Variants in XPR1 observed in about 807,000 individuals in gnomAD.
XPR1 encodes the protein solute carrier family 53 member 1.
Under a neutral mutation model 87.5 loss-of-function variants are expected in XPR1, and 28 were observed. The ratio of observed to expected loss-of-function variants is 0.32; its 90% CI spans 0.24 to 0.44. The LOEUF (loss-of-function observed/expected upper bound fraction) is 0.44. Among genes scored for constraint, XPR1 ranks in the 20% least tolerant of loss-of-function variants. XPR1 has a pLI of 1.00. For missense variants in XPR1, 559 were observed against 862.3 expected (o/e 0.65, Z 4.41); for synonymous variants, 300 against 306.1 (o/e 0.98, Z 0.21).
At chr1:180,640,806 G>T (rs1246421055) in intron 1 of XPR1, among the ~76,000 whole-genome samples, 1 of 152,196 alleles carries the variant, frequency 6.6e-6, no homozygotes, top group Non-Finnish European at 1.5e-5. Flanking sequence ...AGGGTAAAAA[G>T]AGGAGGACAA....
chr1:180,718,507 T>C (rs936955944), intron 2 of XPR1, among the ~76,000 whole-genome samples: 1 of 152,012 alleles, frequency 6.6e-6, no homozygotes, highest in Non-Finnish European at 1.5e-5. Flanking sequence ...ATAGGGACAT[T>C]AGGGAGAATT....
chr1:180,827,235 C>T (rs1650883039), intron 9 of XPR1, among the ~76,000 whole-genome samples: 1 of 151,850 alleles, frequency 6.6e-6, no homozygotes, highest in Non-Finnish European at 1.5e-5. Context: ...AGTGTTCCTC[C>T]CGCCTTGGCC....
At chr1:180,882,604 C>T (rs1170662744) in intron 14 of XPR1, among the ~76,000 whole-genome samples, 3 of 152,182 alleles carry the variant, frequency 2.0e-5, no homozygotes, top group Admixed American at 6.5e-5. Context: ...AGTCTTCCCT[C>T]CTTGGCCTCC....
intron 2 of XPR1, among the ~76,000 whole-genome samples, chr1:180,759,572 T>C (rs12059699): frequency 0.012 from 1,787 of 152,180 alleles, 28 homozygotes; most frequent in African/African-American, 0.041. Flanking sequence ...CAGGAAGAAG[T>C]TGAATCTCTG....
intron 1 of XPR1, among the ~76,000 whole-genome samples, chr1:180,644,766 G>T (rs149010011): frequency 8.6e-4 from 130 of 152,030 alleles, no homozygotes; most frequent in Admixed American, 1.7e-3. Context: ...GTGGTTTTGG[G>T]ATGATTCAAG....
intron 9 of XPR1, 126 bp downstream of exon 9, chr1:180,825,470 A>T (rs1345568763): frequency 1.2e-5 from 12 of 970,634 alleles, no homozygotes; most frequent in African/African-American, 1.7e-5. Context: ...AGTTTATGTG[A>T]GTGGAGGCCC....
intron 1 of XPR1, among the ~76,000 whole-genome samples, chr1:180,641,016 A>G (rs1654945329): frequency 6.6e-6 from 1 of 152,198 alleles, no homozygotes; most frequent in African/African-American, 2.4e-5. Context: ...GATTCATTTT[A>G]TTGCTCATTA....
chr1:180,657,890 T>G (rs1401221909), intron 1 of XPR1, among the ~76,000 whole-genome samples: 1 of 152,234 alleles, frequency 6.6e-6, no homozygotes, highest in Non-Finnish European at 1.5e-5. Flanking sequence ...ATGGACATTT[T>G]AACAATATTG....
At chr1:180,715,366 A>G (rs765696217) in intron 2 of XPR1, among the ~76,000 whole-genome samples, 3 of 152,200 alleles carry the variant, frequency 2.0e-5, no homozygotes, top group East Asian at 1.9e-4. Flanking sequence ...AGACCATGCT[A>G]TAACGAATCT....
chr1:180,812,649 C>CTT (rs955473305), intron 7 of XPR1, among the ~76,000 whole-genome samples: 2,147 of 134,302 alleles, frequency 0.016, 70 homozygotes, highest in African/African-American at 0.054. Flanking sequence ...GCAGCCATTT[C>CTT]TTTTTTTTTT....
At position 180,845,514 on chromosome 1, in the gene XPR1, G is replaced by C. The variant is rs190473198; in HGVS notation, c.1501+8798G>C. ...AAATAGTAGATGAAGAATAATGACT[G>C]TGTGTGTGTGTGTCTGTTTTCACAG... On this transcript the variant is annotated intron_variant, in intron 11 of 14. Transcript: ENST00000367590. 7.7e-4 allele frequency among the ~76,000 whole-genome samples: 117 copies of C among 151,926 alleles called. 1 individual carries two copies. The highest frequency in any genetic ancestry group is 7.3e-3 in the South Asian group (35 of 4,810).
intron 1 of XPR1, among the ~76,000 whole-genome samples, chr1:180,637,668 C>T (rs754494983): frequency 2.6e-5 from 4 of 152,154 alleles, no homozygotes; most frequent in Admixed American, 6.5e-5. Flanking sequence ...ATTCTTGTGC[C>T]TCAGCTTCCC....
chr1:180,708,141 A>T (rs971405255), intron 2 of XPR1, among the ~76,000 whole-genome samples: 1 of 152,216 alleles, frequency 6.6e-6, no homozygotes, highest in African/African-American at 2.4e-5. Flanking sequence ...TTAATAAGTA[A>T]AAGGAAGTTT....
At chr1:180,811,268 TCAG>T in intron 6 of XPR1, 136 bp from the exon 7 acceptor site, 1 of 720,574 alleles carries the variant, frequency 1.4e-6, no homozygotes, top group East Asian at 2.9e-5. Flanking sequence ...ATTCTCTGGT[TCAG>T]ATTTATAAAA....
At chr1:180,714,821 C>A (rs1399861717) in intron 2 of XPR1, among the ~76,000 whole-genome samples, 1 of 151,020 alleles carries the variant, frequency 6.6e-6, no homozygotes, top group African/African-American at 2.5e-5. Context: ...ATTTCTGTTG[C>A]GACCCTTTTC....
At chr1:180,671,368 A>G (rs1656162921) in intron 1 of XPR1, among the ~76,000 whole-genome samples, 1 of 152,210 alleles carries the variant, frequency 6.6e-6, no homozygotes, top group Non-Finnish European at 1.5e-5. Context: ...GGAGATTATG[A>G]AGGCAAAAGA....
chr1:180,682,313 A>C, intron 1 of XPR1, 47 bp from the exon 2 acceptor site: 5 of 1,465,788 alleles, frequency 3.4e-6, no homozygotes, highest in Non-Finnish European at 3.7e-6. Context: ...CATTCAGTAT[A>C]AAGCTTACTC....
Position 180,648,543 on chromosome 1 carries a change from A to G in XPR1, c.69+16273A>G, listed in dbSNP as rs147748733. Among the ~76,000 whole-genome samples, 123 of 152,254 alleles carry G rather than the reference A, an allele frequency of 8.1e-4. No individual in the cohort carries two copies. The East Asian group carries it at 0.012, about 15-fold the overall frequency. ...TGTTTTTGAGATGAAGTCTCACTCT[A>G]TTGCCCAGGCTGGAGTGCAGTAGCA... On this transcript the variant is annotated intron_variant, in intron 1 of 14. Coordinates refer to ENST00000367590, the MANE Select transcript of XPR1 (RefSeq NM_004736.4).
intron 11 of XPR1, among the ~76,000 whole-genome samples, chr1:180,855,447 A>G (rs1233439249): frequency 2.0e-5 from 3 of 152,108 alleles, no homozygotes; most frequent in Non-Finnish European, 4.4e-5. Flanking sequence ...AGGGCAGATT[A>G]TGAGGTCAGG....
Sources: allele counts gnomAD v4.1 joint callset (sites outside exome capture counted in the v4.1 genomes callset), GRCh38; gene constraint gnomAD v4.1.1; transcripts MANE v1.5; gene names NCBI Gene and HGNC (gene_info 2026-07-23, HGNC 2026-07-21).